PNCK: variants seen among roughly 807,000 people sequenced by gnomAD.
PNCK encodes the protein pregnancy up-regulated nonubiquitous CaM kinase, also known as calcium/calmodulin-dependent protein kinase type 1B.
Under a neutral mutation model 28.3 loss-of-function variants are expected in PNCK, and 21 were observed. That is an observed-to-expected ratio of 0.74 (90% confidence interval 0.53 to 1.07). The LOEUF is 1.07. Among genes scored for constraint, PNCK ranks in the 50% least tolerant of loss-of-function variants. The pLI, the probability that PNCK is intolerant of heterozygous loss-of-function variation, is 0.00. For missense variants in PNCK, 250 were observed against 298.3 expected (o/e 0.84, Z 1.19); for synonymous variants, 136 against 125.2 (o/e 1.09, Z -0.58).
chrX:153,677,121 G>C (rs1365782244), upstream of PNCK, among the ~76,000 whole-genome samples: 3 of 110,593 alleles, frequency 2.7e-5, no homozygotes, highest in Non-Finnish European at 5.7e-5. Flanking sequence ...TGTATTTTTG[G>C]GTAGAGACAG....
At chrX:153,685,889 C>T (rs2091416802) in intron 1 of PNCK, among the ~76,000 whole-genome samples, 1 of 112,457 alleles carries the variant, frequency 8.9e-6, no homozygotes, top group Non-Finnish European at 1.9e-5. Flanking sequence ...CAGGGCCTGG[C>T]CCAGGGGCTG....
rs782117538 is a variant in PNCK, at chrX:153,672,658, G to A, written c.108C>T (p.Gly36=). The A allele has an allele frequency of 1.9e-5, 23 of 1,203,667 alleles. No homozygotes were observed. The East Asian group carries it at 6.5e-4, about 34-fold the overall frequency. Residue 36 remains glycine (G), a synonymous_variant, in exon 3 of 12, where the codon GGC becomes GGT. Coordinates refer to ENST00000340888, the MANE Select transcript of PNCK (RefSeq NM_001366977.1). ...FSEVVLAQER[G]SAHLVALKCI... is the part of the protein sequence containing the mutation. ...ACTTGAGGGCCACGAGGTGTGCGGA[G>A]CCCCGCTCCTGGGCCAGCACCACCT...
At chrX:153,686,729 G>A (rs1188889954) in intron 1 of PNCK, 1 of 111,613 alleles carries the variant, frequency 9.0e-6, no homozygotes, top group Non-Finnish European at 1.9e-5. Flanking sequence ...CCACCTCAGG[G>A]GTACCCACCC....
At chrX:153,684,394 CTGTGTAAACG>C (rs2091408161) in intron 1 of PNCK, among the ~76,000 whole-genome samples, 1 of 112,535 alleles carries the variant, frequency 8.9e-6, no homozygotes, top group Non-Finnish European at 1.9e-5. Context: ...TTCTGCGGGT[CTGTGTAAACG>C]AGCACAGCTG....
At chrX:153,673,151 C>T (rs1037654518) in intron 1 of PNCK, 73 bp from the exon 2 acceptor site, 7 of 1,173,775 alleles carry the variant, frequency 6.0e-6, no homozygotes, top group Non-Finnish European at 6.9e-6. Flanking sequence ...TCCTCCTCCA[C>T]CCCCTGCCAG....
rs368526304 is a variant in PNCK at position 153,671,646 on chromosome X, G to A, written c.441C>T (p.Pro147=). The A allele has an allele frequency of 1.7e-6, 2 of 1,197,876 alleles. No individual in the cohort carries two copies. The highest frequency in any genetic ancestry group is 4.5e-5 in the Admixed American group (2 of 44,913). Residue 147 remains proline (P), a synonymous_variant, in exon 6 of 12, where the codon CCC becomes CCT. Transcript: ENST00000340888. ...LKPENLLYAT[P]FEDSKIMVSD... Reference sequence around the variant, plus strand: ...AGACCATGATCTTCGAGTCCTCAAAGGGCGTGGCATACAGGAGGTTTTCGG... The same window carrying A: ...AGACCATGATCTTCGAGTCCTCAAAAGGCGTGGCATACAGGAGGTTTTCGG...
chrX:153,671,090 T>C lies in PNCK; in HGVS notation c.715A>G (p.Ile239Val), dbSNP rs1236647063. The C allele has an allele frequency of 1.7e-6, 2 of 1,210,510 alleles. No homozygotes were observed. Among genetic ancestry groups the C allele is most frequent in the Non-Finnish European group, 2.2e-6 (2 of 895,317 alleles). The change falls in exon 8 of 12, where the codon ATC (isoleucine) becomes GTC (valine). Residue 239 changes from isoleucine to valine, a missense_variant. Transcript: ENST00000340888. Reference sequence around the variant, plus strand: ...GCCTCAAGCTCACCTGATTCTGAGATGTCATCCCAGAAAGGAGAGTCAAAC... The same window carrying C: ...GCCTCAAGCTCACCTGATTCTGAGACGTCATCCCAGAAAGGAGAGTCAAAC... ...YEFDSPFWDDISESAKDFIRH... is the reference protein window; with the variant it reads ...YEFDSPFWDDVSESAKDFIRH...
At position 153,671,358 on chromosome X, in the gene PNCK, G is replaced by A; in HGVS notation, c.541C>T (p.Pro181Ser). 1 of 1,211,993 alleles carries A rather than the reference G, an allele frequency of 8.3e-7. No individual in the cohort carries two copies. The highest frequency in any genetic ancestry group is 1.1e-6 in the Non-Finnish European group (1 of 895,504). ...TAGGGTTTCTGCTCCAAGAGCTCTGGGGCTGGGGGCCAGAGACAGACAGAC... is the reference window on the plus strand; with the variant it reads ...TAGGGTTTCTGCTCCAAGAGCTCTGAGGCTGGGGGCCAGAGACAGACAGAC... ...TACGTPGYVAPELLEQKPYGK... is the reference protein window; with the variant it reads ...TACGTPGYVASELLEQKPYGK... The change falls in exon 7 of 12, where the codon CCA becomes TCA. Residue 181 changes from proline to serine, a missense_variant and splice_region_variant. Pro to Ser is a moderately conservative substitution (Grantham distance 74). Transcript: ENST00000340888.
upstream of PNCK, among the ~76,000 whole-genome samples, chrX:153,679,717 A>G (rs1413760157): frequency 1.9e-5 from 2 of 106,629 alleles, no homozygotes; most frequent in African/African-American, 6.8e-5. Context: ...GATTACAGGC[A>G]CCCGTCACCA....
Position 153,670,743 on chromosome X carries a change from C to T in PNCK, c.894+1G>A, listed in dbSNP as rs1557039425. Reference sequence around the variant, plus strand: ...CACACTGGGTCTCTCTCCACACTGACCTTCCAGTGTGTCCGAGCAAAGTTC... The same window carrying T: ...CACACTGGGTCTCTCTCCACACTGATCTTCCAGTGTGTCCGAGCAAAGTTC... On this transcript the variant is annotated splice_donor_variant, in intron 10 of 11. Transcript: ENST00000340888. LOFTEE classifies it high-confidence loss of function. The T allele has an allele frequency of 1.7e-6, 2 of 1,204,606 alleles. No individual in the cohort carries two copies. Among genetic ancestry groups the T allele is most frequent in the East Asian group, 5.9e-5 (2 of 33,785 alleles).
intron 3 of PNCK, 71 bp from the exon 4 acceptor site, chrX:153,672,271 GCCT>G (rs782517630): frequency 4.8e-6 from 5 of 1,043,100 alleles, no homozygotes; most frequent in Middle Eastern, 2.7e-4. Flanking sequence ...CCTGGGGAAA[GCCT>G]CCTCCCTCTT....
intron 1 of PNCK, chrX:153,687,407 T>C (rs1453845958): frequency 2.2e-4 from 70 of 325,552 alleles, no homozygotes; most frequent in Non-Finnish European, 8.9e-5. Flanking sequence ...CTCTGCCCAC[T>C]GTGGAGACAC....
At chrX:153,674,861 G>C (rs1237780308), upstream of PNCK, 10 of 112,324 alleles carry the variant, frequency 8.9e-5, no homozygotes, top group Non-Finnish European at 1.5e-4. Context: ...ACGTCTTCAA[G>C]AGAGTCCACG....
intron 1 of PNCK, among the ~76,000 whole-genome samples, chrX:153,685,826 G>A (rs951772554): frequency 5.3e-5 from 6 of 113,375 alleles, no homozygotes; most frequent in East Asian, 2.8e-4. Flanking sequence ...GGCCCAGGCC[G>A]TGAGGAGGAG....
intron 7 of PNCK, 30 bp from the exon 8 acceptor site, chrX:153,671,220 T>C (rs782383183): frequency 2.6e-5 from 32 of 1,208,136 alleles, no homozygotes; most frequent in Non-Finnish European, 3.4e-5. Context: ...CATCCAGCTG[T>C]CCCACCCTCC....
intron 1 of PNCK, 35 bp from the exon 2 acceptor site, chrX:153,673,113 C>G (rs1557040707): frequency 8.6e-7 from 1 of 1,164,436 alleles, no homozygotes; most frequent in Admixed American, 2.4e-5. Flanking sequence ...GGGGGTCTCT[C>G]CCCGCCCCGC....
chrX:153,673,003 A>G lies in PNCK; in HGVS notation c.68+6T>C, dbSNP rs1557040637. On this transcript the variant is annotated splice_donor_region_variant and intron_variant, in intron 2 of 11. Transcript: ENST00000340888. ...CACACGATCACACACGCGCGCGCAC[A>G]CTCACGAGCCGAGCCTCTCGCGGAT... The G allele has an allele frequency of 8.5e-7, 1 of 1,174,434 alleles. No individual in the cohort carries two copies. The highest frequency in any genetic ancestry group is 2.4e-5 in the Admixed American group (1 of 40,891).
At chrX:153,681,072 A>T (rs2091393742) in intron 1 of PNCK, among the ~76,000 whole-genome samples, 1 of 110,162 alleles carries the variant, frequency 9.1e-6, no homozygotes, top group African/African-American at 3.3e-5. Flanking sequence ...ACAGGAGCCA[A>T]CCGAAAGAGA....
At position 153,671,871 on chromosome X, in the gene PNCK, G is replaced by A. The variant is rs190959710; in HGVS notation, c.414+9C>T. 2.4e-5 allele frequency: 29 copies of A among 1,205,331 alleles called. No homozygotes were observed. In the East Asian group the frequency reaches 8.3e-4, roughly 35 times the overall value. On this transcript the variant is annotated intron_variant, in intron 5 of 11. Coordinates refer to ENST00000340888, the MANE Select transcript of PNCK (RefSeq NM_001366977.1). The stretch of plus-strand genomic sequence containing the variant: ...GGGAGGGTGGGGTGCAGAGGCCCCA[G>A]CCAGGCACCTTGAGGTCCCGGTGCA...
Sources: allele counts gnomAD v4.1 joint callset (sites outside exome capture counted in the v4.1 genomes callset), GRCh38; gene constraint gnomAD v4.1.1; transcripts MANE v1.5; gene names NCBI Gene and HGNC (gene_info 2026-07-23, HGNC 2026-07-21).